ERBB4: variants seen among roughly 807,000 people sequenced by gnomAD.
ERBB4 encodes receptor tyrosine-protein kinase erbB-4.
ERBB4 carries 42 observed loss-of-function variants against 158.0 expected under a neutral mutation model. The observed-to-expected ratio is 0.27, with a 90% confidence interval of 0.21 to 0.34. The LOEUF (loss-of-function observed/expected upper bound fraction) is 0.34. Ranked by LOEUF, ERBB4 falls within the 10% of genes least tolerant of loss-of-function variation. The pLI is 1.00. For missense variants in ERBB4, 1,333 were observed against 1,624.1 expected, an observed-to-expected ratio of 0.82 and a Z score of 3.08; for synonymous variants, 583 against 558.7, an observed-to-expected ratio of 1.04 and a Z score of -0.61.
intron 5 of ERBB4, among the ~76,000 whole-genome samples, chr2:211,731,304 C>T (rs990114231): frequency 7.9e-5 from 12 of 151,838 alleles, no homozygotes; most frequent in African/African-American, 2.7e-4. Flanking sequence ...TCTATGCTGC[C>T]TCTATTCTAT....
In ERBB4 at chr2:211,420,631, TCA is replaced by T. The variant is rs776180526; in HGVS notation, c.2965-22_2965-21del. The stretch of plus-strand genomic sequence containing the variant: ...ATCACCCTAAAAGAAAGATTGCCCA[TCA>T]GACACAAATATGATTCTTTCTTATC... On this transcript the variant is annotated intron_variant, in intron 24 of 27. Coordinates refer to ENST00000342788, the MANE Select transcript of ERBB4 (RefSeq NM_005235.3). 1 of 1,603,132 alleles carries T rather than the reference TCA, an allele frequency of 6.2e-7. No individual in the cohort carries two copies. The highest frequency in any genetic ancestry group is 1.3e-5 in the African/African-American group (1 of 74,336).
chr2:211,638,831 C>T (rs1453946328), intron 16 of ERBB4, among the ~76,000 whole-genome samples: 4 of 152,072 alleles, frequency 2.6e-5, no homozygotes, highest in Non-Finnish European at 5.9e-5. Flanking sequence ...AGTTTCAGAG[C>T]AAACCTTCCT....
intron 1 of ERBB4, among the ~76,000 whole-genome samples, chr2:212,168,096 C>G (rs752970890): frequency 6.6e-6 from 1 of 151,664 alleles, no homozygotes; most frequent in African/African-American, 2.4e-5. Context: ...TGTCTCATTT[C>G]CCTTTTAAAT....
At chr2:212,236,565 G>A (rs894792965) in intron 1 of ERBB4, among the ~76,000 whole-genome samples, 1 of 152,128 alleles carries the variant, frequency 6.6e-6, no homozygotes, top group African/African-American at 2.4e-5. Context: ...TAATATCTCT[G>A]GTGGAATTTA....
intron 1 of ERBB4, among the ~76,000 whole-genome samples, chr2:212,383,818 T>C (rs893693097): frequency 1.3e-5 from 2 of 151,694 alleles, no homozygotes; most frequent in Non-Finnish European, 3.0e-5. Context: ...TATTCCTACA[T>C]TTATTATGAT....
intron 1 of ERBB4, among the ~76,000 whole-genome samples, chr2:212,212,429 G>GA (rs1686841564): frequency 6.6e-6 from 1 of 151,842 alleles, no homozygotes; most frequent in Non-Finnish European, 1.5e-5. Context: ...CAGACAAATG[G>GA]AAAAACATTC....
At chr2:211,443,978 G>A (rs1001221089) in intron 20 of ERBB4, among the ~76,000 whole-genome samples, 1 of 151,904 alleles carries the variant, frequency 6.6e-6, no homozygotes, top group African/African-American at 2.4e-5. Context: ...CCGATTTTAA[G>A]TATAAAACAC....
chr2:211,630,462 C>T lies in ERBB4; in HGVS notation c.2079G>A (p.Glu693=), dbSNP rs546771614. The T allele has an allele frequency of 6.2e-7, 1 of 1,613,380 alleles. No homozygotes were observed. Among genetic ancestry groups the T allele is most frequent in the Non-Finnish European group, 8.5e-7 (1 of 1,179,460 alleles). ...KRALRRFLET[E]LVEPLTPSGT... Reference sequence around the variant, plus strand: ...TGAAGAGGAGAAAGAAATACCTCACCTCTGTTTCCAAGAATCTTCTCAAGG... The same window carrying T: ...TGAAGAGGAGAAAGAAATACCTCACTTCTGTTTCCAAGAATCTTCTCAAGG... Residue 693 remains glutamate (E), a splice_region_variant and synonymous_variant, in exon 17 of 28, where the codon GAG becomes GAA. Coordinates refer to ENST00000342788, the MANE Select transcript of ERBB4 (RefSeq NM_005235.3).
intron 1 of ERBB4, among the ~76,000 whole-genome samples, chr2:212,224,863 T>C (rs1271926911): frequency 6.6e-6 from 1 of 152,102 alleles, no homozygotes. Flanking sequence ...TGAATTTGCA[T>C]TTAAATTTTA....
At chr2:212,356,765 C>T (rs2089479097) in intron 1 of ERBB4, among the ~76,000 whole-genome samples, 1 of 151,762 alleles carries the variant, frequency 6.6e-6, no homozygotes, top group Admixed American at 6.6e-5. Flanking sequence ...CAACTTTTAT[C>T]CTAATAGTAT....
intron 20 of ERBB4, among the ~76,000 whole-genome samples, chr2:211,439,031 CAT>C (rs2125448819): frequency 6.6e-6 from 1 of 150,798 alleles, no homozygotes; most frequent in Non-Finnish European, 1.5e-5. Context: ...TGTGTGTGTG[CAT>C]ACACACTTGC....
intron 20 of ERBB4, among the ~76,000 whole-genome samples, chr2:211,559,021 T>C (rs2067313659): frequency 6.6e-6 from 1 of 152,126 alleles, no homozygotes; most frequent in Non-Finnish European, 1.5e-5. Flanking sequence ...ACATTCCCAG[T>C]TTCATGTTCT....
At chr2:212,097,895 G>A (rs2078974464) in intron 2 of ERBB4, among the ~76,000 whole-genome samples, 1 of 152,134 alleles carries the variant, frequency 6.6e-6, no homozygotes. Flanking sequence ...TGGAGACAAA[G>A]ACAATGCATA....
intron 3 of ERBB4, among the ~76,000 whole-genome samples, chr2:211,901,926 G>C (rs893729949): frequency 2.0e-5 from 3 of 152,036 alleles, no homozygotes; most frequent in African/African-American, 7.2e-5. Context: ...ATGGTGTGTA[G>C]GTATAGATTC....
chr2:212,356,646 G>C (rs2089474393), intron 1 of ERBB4, among the ~76,000 whole-genome samples: 1 of 151,450 alleles, frequency 6.6e-6, no homozygotes, highest in African/African-American at 2.4e-5. Flanking sequence ...TCCTCCTTTT[G>C]CAACTGTCTA....
In ERBB4 at chr2:212,397,906, G is replaced by A. The variant is rs529845008; in HGVS notation, c.82+140543C>T. 8.6e-4 allele frequency among the ~76,000 whole-genome samples: 130 copies of A among 152,034 alleles called. 1 individual carries two copies. Among genetic ancestry groups the A allele is most frequent in the African/African-American group, 3.0e-3 (125 of 41,492 alleles). On this transcript the variant is annotated intron_variant, in intron 1 of 27. Coordinates refer to ENST00000342788, the MANE Select transcript of ERBB4 (RefSeq NM_005235.3). ...TATCTATAGTGTTGTTTTAAAATGG[G>A]AGAAACTGATAACTCTTTACTTGCC...
intron 4 of ERBB4, among the ~76,000 whole-genome samples, chr2:211,751,924 G>C (rs1382276107): frequency 6.6e-6 from 1 of 152,134 alleles, no homozygotes; most frequent in Admixed American, 6.5e-5. Context: ...AAATACTTAG[G>C]TTCAATTCCA....
At chr2:212,128,123 C>T (rs141481318) in intron 1 of ERBB4, among the ~76,000 whole-genome samples, 1 of 152,282 alleles carries the variant, frequency 6.6e-6, no homozygotes, top group African/African-American at 2.4e-5. Context: ...CTTTATACAC[C>T]ATGCTGGAAT....
chr2:212,267,593 A>ATTTCTTTTTT (rs1553607815), intron 1 of ERBB4, among the ~76,000 whole-genome samples: 14 of 70,070 alleles, frequency 2.0e-4, no homozygotes, highest in South Asian at 3.5e-4. Flanking sequence ...CATAGTTCTC[A>ATTTCTTTTTT]TTTCTTTTTT....
Sources: allele counts gnomAD v4.1 joint callset (sites outside exome capture counted in the v4.1 genomes callset), GRCh38; gene constraint gnomAD v4.1.1; transcripts MANE v1.5; gene names NCBI Gene and HGNC (gene_info 2026-07-23, HGNC 2026-07-21).